Variants in CDK2AP1 observed in about 807,000 individuals in gnomAD.
The protein encoded by CDK2AP1 is cyclin dependent kinase 2 associated protein 1.
A neutral mutation model predicts 14.1 loss-of-function variants in CDK2AP1; 10 were observed. The ratio of observed to expected loss-of-function variants is 0.71; its 90% CI spans 0.44 to 1.20. The LOEUF is 1.20. Among genes scored for constraint, CDK2AP1 ranks in the 50% most tolerant of loss-of-function variants. The probability of loss-of-function intolerance (pLI) is 0.00; values close to 1 mark genes in which losing one functional copy is unlikely to be tolerated. For missense variants in CDK2AP1, 102 were observed against 149.9 expected, an observed-to-expected ratio of 0.68 and a Z score of 1.67; for synonymous variants, 59 against 59.8, an observed-to-expected ratio of 0.99 and a Z score of 0.06.
At chr12:123,271,066 C>T (rs2048349575) in intron 1 of CDK2AP1, 2 of 934,938 alleles carry the variant, frequency 2.1e-6, no homozygotes, top group South Asian at 9.7e-5. Context: ...AGCCCCGCAG[C>T]CCTCCATCCG....
Position 123,267,231 on chromosome 12 carries a change from C to T in CDK2AP1, c.107G>A (p.Arg36His), listed in dbSNP as rs1413274789. The change falls in exon 2 of 4, where the codon CGC (arginine) becomes CAC (histidine). Residue 36 changes from arginine (R) to histidine (H), a missense_variant. Arg to His is a conservative substitution (Grantham distance 29, BLOSUM62 0). Transcript: ENST00000261692. ...TGGCCCGTAGTCACTGAGCAGCTGG[C>T]GGTACTGTGAAGACGTTGCCATGCT... is the stretch of plus-strand genomic sequence containing the variant. ...STSMATSSQY[R>H]QLLSDYGPPS... The T allele has an allele frequency of 1.9e-6, 3 of 1,613,076 alleles. No individual in the cohort carries two copies. The highest frequency in any genetic ancestry group is 1.7e-5 in the Admixed American group (1 of 60,004).
In CDK2AP1 at chr12:123,261,695, T is replaced by A; in HGVS notation, c.*41A>T. The A allele has an allele frequency of 6.5e-7, 1 of 1,534,882 alleles. No individual in the cohort carries two copies. The highest frequency in any genetic ancestry group is 9.0e-7 in the Non-Finnish European group (1 of 1,107,464). ...AGGGGAGATGAACTGTAACTTCTCA[T>A]CTTGTAAAAAGATGGAAATCCTTCA... On this transcript the variant is annotated 3_prime_UTR_variant, in exon 4 of 4. Coordinates refer to ENST00000261692, the MANE Select transcript of CDK2AP1 (RefSeq NM_004642.4).
At chr12:123,262,499 C>T (rs537519260) in intron 3 of CDK2AP1, 9 of 152,352 alleles carry the variant, frequency 5.9e-5, no homozygotes, top group South Asian at 2.1e-4. Context: ...TAACTCAGAG[C>T]CTTGGAGAAT....
At chr12:123,268,518 G>T (rs1463382924) in intron 1 of CDK2AP1, among the ~76,000 whole-genome samples, 2 of 152,252 alleles carry the variant, frequency 1.3e-5, no homozygotes, top group African/African-American at 4.8e-5. Flanking sequence ...AACGGGGACC[G>T]TTCCGAGCTG....
At chr12:123,268,328 G>A in intron 1 of CDK2AP1, 1 of 707,796 alleles carries the variant, frequency 1.4e-6, no homozygotes, top group Non-Finnish European at 1.7e-6. Flanking sequence ...GAGGGGAGGG[G>A]CAGAGGAGGA....
intron 1 of CDK2AP1, chr12:123,267,601 C>G (rs1043343641): frequency 3.2e-6 from 1 of 316,382 alleles, no homozygotes; most frequent in Non-Finnish European, 6.2e-6. Flanking sequence ...TCTGCCCATC[C>G]CCTCTCCCTG....
intron 1 of CDK2AP1, among the ~76,000 whole-genome samples, chr12:123,268,758 C>T (rs1013608972): frequency 2.6e-5 from 4 of 152,172 alleles, no homozygotes; most frequent in African/African-American, 9.7e-5. Context: ...ACAACGCCCA[C>T]GATATCTGGC....
Position 123,265,143 on chromosome 12 carries a change from G to C in CDK2AP1, c.280+53C>G. 1 of 1,608,336 alleles carries C rather than the reference G, an allele frequency of 6.2e-7. No individual in the cohort carries two copies. Among genetic ancestry groups the C allele is most frequent in the Non-Finnish European group, 8.5e-7 (1 of 1,176,194 alleles). On this transcript the variant is annotated intron_variant, in intron 3 of 3. Coordinates refer to ENST00000261692, the MANE Select transcript of CDK2AP1 (RefSeq NM_004642.4). This position sits in a 1 kb window ranked among gnomAD's most constrained non-coding sequence, Gnocchi z 5.3. ...CACATTTTCCCCAAAAGTCTTTCCA[G>C]AGTTAAAGGTCTAGCACTGTGGTCA...
chr12:123,265,072 A>G lies in CDK2AP1; in HGVS notation c.280+124T>C, dbSNP rs1484748474. On this transcript the variant is annotated intron_variant, in intron 3 of 3. Coordinates refer to ENST00000261692, the MANE Select transcript of CDK2AP1 (RefSeq NM_004642.4). The surrounding 1 kb of genome is among the most constrained non-coding windows in gnomAD (Gnocchi z 5.3). ...CCACCACAGACGGCAACTCTGTAAC[A>G]AGACAGGAGCTCCCATGAGTGAGCC... is the stretch of plus-strand genomic sequence containing the variant. 7.4e-6 allele frequency: 10 copies of G among 1,353,390 alleles called. 1 individual carries two copies. Among genetic ancestry groups the G allele is most frequent in the African/African-American group, 5.7e-5 (4 of 69,730 alleles). The allele number at this position is 1,353,390 out of a possible 1,614,324, so 83.8% of individuals were successfully genotyped here.
At chr12:123,264,360 T>C (rs982527894) in intron 3 of CDK2AP1, among the ~76,000 whole-genome samples, 16 of 148,110 alleles carry the variant, frequency 1.1e-4, no homozygotes, top group African/African-American at 4.0e-4. Flanking sequence ...CTTGGGAGGC[T>C]GAGGCAGGAG....
At chr12:123,271,354 C>G (rs1294705529) in intron 1 of CDK2AP1, among the ~76,000 whole-genome samples, 1 of 147,456 alleles carries the variant, frequency 6.8e-6, no homozygotes. Flanking sequence ...CCCCGCACCC[C>G]CAGCCGAGGC....
At position 123,265,343 on chromosome 12, in the gene CDK2AP1, G is replaced by A; in HGVS notation, c.154-21C>T. The stretch of plus-strand genomic sequence containing the variant: ...GTTCCCTAGAATCAGAAAGAAATGG[G>A]TTCAGCAAAATCAGCCGGGCGTGGT... On this transcript the variant is annotated intron_variant, in intron 2 of 3. Transcript: ENST00000261692. The surrounding 1 kb of genome is among the most constrained non-coding windows in gnomAD (Gnocchi z 5.3). The A allele has an allele frequency of 1.1e-5, 17 of 1,613,776 alleles. No individual in the cohort carries two copies. The highest frequency in any genetic ancestry group is 1.3e-5 in the Non-Finnish European group (15 of 1,179,798).
At chr12:123,269,793 T>C (rs1353598279) in intron 1 of CDK2AP1, among the ~76,000 whole-genome samples, 1 of 150,826 alleles carries the variant, frequency 6.6e-6, no homozygotes, top group African/African-American at 2.4e-5. Context: ...TGAGGGATGA[T>C]GACAAGGAAG....
intron 1 of CDK2AP1, chr12:123,267,629 G>A: frequency 3.6e-6 from 1 of 277,172 alleles, no homozygotes; most frequent in South Asian, 3.8e-5. Context: ...GTCCCCAGAG[G>A]CTGAGAACCT....
At chr12:123,268,070 G>T in intron 1 of CDK2AP1, 1 of 563,772 alleles carries the variant, frequency 1.8e-6, no homozygotes, top group Non-Finnish European at 2.3e-6. Context: ...GGGAGTCCGT[G>T]GCTAGGAGCA....
intron 2 of CDK2AP1, among the ~76,000 whole-genome samples, chr12:123,266,384 C>T (rs369877163): frequency 4.6e-5 from 7 of 152,408 alleles, no homozygotes; most frequent in African/African-American, 1.7e-4. Context: ...CAGGCCCACA[C>T]CTGCTTCTCC....
intron 3 of CDK2AP1, 64 bp from the exon 4 acceptor site, chr12:123,261,867 G>T: frequency 1.9e-6 from 2 of 1,072,112 alleles, no homozygotes; most frequent in Non-Finnish European, 1.5e-6. Flanking sequence ...AGCCCATTCT[G>T]AAACAGCAAG....
chr12:123,270,921 C>T, intron 1 of CDK2AP1: 7 of 985,300 alleles, frequency 7.1e-6, no homozygotes, highest in Non-Finnish European at 8.4e-6. Context: ...CATGGGGTAG[C>T]CCCTGCTCCC....
intron 2 of CDK2AP1, among the ~76,000 whole-genome samples, chr12:123,266,054 G>GGCAAGCCC (rs1482282505): frequency 2.6e-5 from 4 of 152,238 alleles, no homozygotes; most frequent in Middle Eastern, 6.8e-3. Flanking sequence ...CTGGGCTTCC[G>GGCAAGCCC]GCAAGCCCAC....
Sources: allele counts gnomAD v4.1 joint callset (sites outside exome capture counted in the v4.1 genomes callset), GRCh38; gene constraint gnomAD v4.1.1; non-coding constraint Gnocchi (gnomAD v3.1); transcripts MANE v1.5; gene names NCBI Gene and HGNC (gene_info 2026-07-23, HGNC 2026-07-21).